Variants in NSUN6 observed in about 807,000 individuals in gnomAD.
NSUN6 encodes the protein NOP2/Sun RNA methyltransferase 6.
A neutral mutation model predicts 58.0 loss-of-function variants in NSUN6; 64 were observed. That is an observed-to-expected ratio of 1.10 (90% confidence interval 0.90 to 1.36). The LOEUF (loss-of-function observed/expected upper bound fraction) is 1.36. Ranked by LOEUF, NSUN6 falls within the 40% of genes most tolerant of loss-of-function variation. NSUN6 has a pLI of 0.00. For synonymous variants in NSUN6, 231 were observed against 193.9 expected (o/e 1.19, Z -1.59); for missense variants, 701 against 550.1 (o/e 1.27, Z -2.74).
At chr10:18,576,576 C>G (rs183464237) in intron 8 of NSUN6, among the ~76,000 whole-genome samples, 2 of 152,348 alleles carry the variant, frequency 1.3e-5, no homozygotes, top group African/African-American at 2.4e-5. Flanking sequence ...AGCTCTCTCT[C>G]TGCTACATCC....
intron 3 of NSUN6, among the ~76,000 whole-genome samples, chr10:18,625,437 G>C (rs1319968957): frequency 6.6e-6 from 1 of 152,158 alleles, no homozygotes; most frequent in East Asian, 1.9e-4. Context: ...AATAGGCTGA[G>C]TGTGGTGGCT....
chr10:18,623,895 A>G (rs555759481), intron 3 of NSUN6, among the ~76,000 whole-genome samples: 1 of 152,154 alleles, frequency 6.6e-6, no homozygotes, highest in Non-Finnish European at 1.5e-5. Context: ...TACTTCCCAG[A>G]AAACTTATCT....
chr10:18,589,146 G>A (rs569085106), intron 7 of NSUN6, among the ~76,000 whole-genome samples: 5 of 152,220 alleles, frequency 3.3e-5, no homozygotes, highest in African/African-American at 7.2e-5. Flanking sequence ...TAGACAAATC[G>A]ATGAAGCAGA....
chr10:18,547,613 AAG>A (rs1386683630), intron 10 of NSUN6, among the ~76,000 whole-genome samples: 3 of 152,230 alleles, frequency 2.0e-5, no homozygotes, highest in Non-Finnish European at 4.4e-5. Context: ...TGTTAGGTAA[AAG>A]AAAGTATAGC....
chr10:18,654,457 T>A (rs2059756207), upstream of NSUN6: 1 of 152,232 alleles, frequency 6.6e-6, no homozygotes, highest in South Asian at 2.1e-4. Flanking sequence ...CAAACCTGAA[T>A]GGTTCTATGA....
upstream of NSUN6, chr10:18,659,321 G>T (rs1253384025): frequency 3.0e-6 from 1 of 338,664 alleles, no homozygotes; most frequent in African/African-American, 2.2e-5. Context: ...GCGATGGGTG[G>T]TCCTGGGATC....
intron 3 of NSUN6, among the ~76,000 whole-genome samples, chr10:18,630,752 G>A (rs2059000940): frequency 2.0e-5 from 3 of 152,234 alleles, no homozygotes; most frequent in East Asian, 1.9e-4. Flanking sequence ...CTGAAATTGT[G>A]GCAATAATCA....
chr10:18,652,836 G>C, upstream of NSUN6: 1 of 920,410 alleles, frequency 1.1e-6, no homozygotes, highest in South Asian at 5.0e-5. Flanking sequence ...TGGGATTACA[G>C]GCGTGAGCCA....
intron 3 of NSUN6, among the ~76,000 whole-genome samples, chr10:18,618,633 G>T (rs565043006): frequency 6.9e-6 from 1 of 145,454 alleles, no homozygotes; most frequent in East Asian, 2.0e-4. Flanking sequence ...AGTGAGCCGA[G>T]ATGGTGCCAT....
In NSUN6 at chr10:18,545,868, TAAAA is replaced by T; in HGVS notation, c.*61_*64del. The T allele has an allele frequency of 1.4e-6, 1 of 732,150 alleles. No individual in the cohort carries two copies. The highest frequency in any genetic ancestry group is 1.7e-5 in the South Asian group (1 of 58,540). 45.4% of individuals were successfully genotyped at this position (732,150 alleles called of 1,614,324 possible). ...TCAGTTGGCCTGACAACACTTTGGT[TAAAA>T]AAAAAAAAACCACAGACAGCAAATG... On this transcript the variant is annotated 3_prime_UTR_variant, in exon 11 of 11. Transcript: ENST00000377304.
At chr10:18,599,038 G>A (rs1034631878) in intron 6 of NSUN6, among the ~76,000 whole-genome samples, 3 of 151,994 alleles carry the variant, frequency 2.0e-5, no homozygotes, top group African/African-American at 7.2e-5. Flanking sequence ...CAAATAGCAG[G>A]CTTATTTTTT....
chr10:18,593,788 T>C (rs537911749), intron 7 of NSUN6, among the ~76,000 whole-genome samples: 15 of 151,158 alleles, frequency 9.9e-5, no homozygotes, highest in Admixed American at 6.0e-4. Context: ...AACGGGTTGA[T>C]AGGTACAGCT....
intron 6 of NSUN6, among the ~76,000 whole-genome samples, chr10:18,599,983 C>G (rs2057740995): frequency 6.6e-6 from 1 of 152,142 alleles, no homozygotes; most frequent in Admixed American, 6.5e-5. Context: ...TAATATAGTA[C>G]AGTTGTAATT....
intron 3 of NSUN6, among the ~76,000 whole-genome samples, chr10:18,627,491 C>G (rs1213093244): frequency 6.6e-6 from 1 of 152,178 alleles, no homozygotes; most frequent in African/African-American, 2.4e-5. Flanking sequence ...GCATTTCCAT[C>G]TGAGGTACCG....
chr10:18,608,909 T>C (rs955079399), intron 6 of NSUN6, among the ~76,000 whole-genome samples: 12 of 152,346 alleles, frequency 7.9e-5, no homozygotes, highest in Middle Eastern at 3.4e-3. Flanking sequence ...TATATCCTAA[T>C]GTGTTAGAAC....
chr10:18,555,072 G>A (rs2054888128), intron 8 of NSUN6, among the ~76,000 whole-genome samples: 1 of 150,180 alleles, frequency 6.7e-6, no homozygotes, highest in Non-Finnish European at 1.5e-5. Context: ...ATGGAGTGGA[G>A]AATAGAAAGG....
intron 8 of NSUN6, among the ~76,000 whole-genome samples, chr10:18,572,725 T>C (rs939785843): frequency 6.7e-6 from 1 of 150,278 alleles, no homozygotes; most frequent in Non-Finnish European, 1.5e-5. Context: ...CTCCATTCCA[T>C]TCCACATCCT....
upstream of NSUN6, chr10:18,651,664 A>AC (rs1447607027): frequency 2.0e-6 from 2 of 984,448 alleles, no homozygotes; most frequent in Middle Eastern, 5.2e-4. Flanking sequence ...CCTGCGGCCC[A>AC]CCCCTCCCTT....
At chr10:18,574,867 T>G (rs1357441372) in intron 8 of NSUN6, among the ~76,000 whole-genome samples, 1 of 152,128 alleles carries the variant, frequency 6.6e-6, no homozygotes, top group Non-Finnish European at 1.5e-5. Flanking sequence ...CTATTGTCCA[T>G]GTTTCCGGAC....
Sources: gnomAD v4.1 joint callset for allele counts (sites outside exome capture counted in the v4.1 genomes callset) on GRCh38, gnomAD v4.1.1 for gene constraint, MANE v1.5 for transcripts, NCBI Gene and HGNC (gene_info 2026-07-23, HGNC 2026-07-21) for gene names.